GCC2: variants seen among roughly 807,000 people sequenced by gnomAD.
GCC2 encodes GRIP and coiled-coil domain containing 2.
Under a neutral mutation model 210.6 loss-of-function variants are expected in GCC2, and 120 were observed. That is an observed-to-expected ratio of 0.57 (90% confidence interval 0.49 to 0.66). The LOEUF (loss-of-function observed/expected upper bound fraction) is 0.66. GCC2 is among the 30% of genes least tolerant of loss of function. The pLI, the probability that GCC2 is intolerant of heterozygous loss-of-function variation, is 0.00. For missense variants in GCC2, 1,868 were observed against 1,871.9 expected (o/e 1.00, Z 0.04); for synonymous variants, 703 against 652.7 (o/e 1.08, Z -1.17).
intron 4 of GCC2, among the ~76,000 whole-genome samples, chr2:108,463,061 T>C (rs1030134677): frequency 2.6e-5 from 4 of 152,140 alleles, no homozygotes; most frequent in Non-Finnish European, 4.4e-5. Flanking sequence ...TTTTCTGATA[T>C]CTATTCTCTG....
intron 21 of GCC2, among the ~76,000 whole-genome samples, chr2:108,497,561 G>T (rs2378148): frequency 5.3e-5 from 8 of 152,262 alleles, no homozygotes; most frequent in South Asian, 4.1e-4. Flanking sequence ...GGTGTGAGTC[G>T]TTGAATTCTA....
Position 108,485,723 on chromosome 2 carries a change from A to G in GCC2, c.3701A>G (p.Asp1234Gly), listed in dbSNP as rs368958563. The change falls in exon 14 of 23, where the codon GAT becomes GGT. Residue 1234 changes from aspartate (D) to glycine (G), a missense_variant. Physicochemically the swap from Asp to Gly is moderately conservative, Grantham distance 94. This residue lies in a region of GCC2 where 1,847 missense variants were observed against 1,765.2 expected (regional missense o/e 1.05). Transcript: ENST00000309863. ...LLVKTKKELA[D>G]SKQAETDHLI... ...GTGAAAACCAAAAAGGAACTGGCAG[A>G]TTCAAAGCAAGCAGTATGTTAATTT... 12 of 1,583,776 alleles carry G rather than the reference A, an allele frequency of 7.6e-6. No homozygotes were observed. The African/African-American group carries it at 9.5e-5, about 13-fold the overall frequency.
chr2:108,462,372 T>C (rs1247704785), intron 4 of GCC2, among the ~76,000 whole-genome samples: 2 of 143,852 alleles, frequency 1.4e-5, no homozygotes, highest in African/African-American at 5.0e-5. Flanking sequence ...TGGGCGCCTG[T>C]AGTCCCAGCT....
At chr2:108,469,166 C>T (rs1681056182) in intron 5 of GCC2, 82 bp downstream of exon 5, 4 of 729,194 alleles carry the variant, frequency 5.5e-6, no homozygotes, top group Middle Eastern at 3.4e-4. Flanking sequence ...CTTTAAAAAG[C>T]ATCTAATCTG....
At chr2:108,457,654 C>G (rs1680341871) in intron 4 of GCC2, among the ~76,000 whole-genome samples, 1 of 152,096 alleles carries the variant, frequency 6.6e-6, no homozygotes, top group East Asian at 1.9e-4. Context: ...TTTCTTTCAT[C>G]TGTGTTTTTG....
chr2:108,483,632 A>G (rs185900419), intron 12 of GCC2, among the ~76,000 whole-genome samples: 30 of 152,368 alleles, frequency 2.0e-4, no homozygotes, highest in African/African-American at 6.7e-4. Flanking sequence ...TTGGAAATTT[A>G]ACTTACTTCT....
Position 108,487,663 on chromosome 2 carries a change from C to T in GCC2, c.3931-36C>T, listed in dbSNP as rs376735257. On this transcript the variant is annotated intron_variant, in intron 16 of 22. Transcript: ENST00000309863. ...GAAAGAAAATAGAAGGACCCTGTTA[C>T]AGTAGAAAAACGTTTCTCTCTTTTA... 7.0e-6 allele frequency: 11 copies of T among 1,567,014 alleles called. No individual in the cohort carries two copies. In the South Asian group the frequency reaches 1.1e-4, roughly 15 times the overall value.
rs1681147742 is a variant in GCC2 at position 108,470,634 on chromosome 2, A to G, written c.1305A>G (p.Lys435=). 4 of 1,612,508 alleles carry G rather than the reference A, an allele frequency of 2.5e-6. No homozygotes were observed. Among genetic ancestry groups the G allele is most frequent in the Non-Finnish European group, 2.5e-6 (3 of 1,179,068 alleles). ...AGAGTCTTAAGGAACAACATCAAAA[A>G]GAAATATCAGAACTAAATGAGACAT... ...EVQSLKEQHQ[K]EISELNETFL... Residue 435 remains lysine, a synonymous_variant, in exon 6 of 23, where the codon AAA becomes AAG. Coordinates refer to ENST00000309863, the MANE Select transcript of GCC2 (RefSeq NM_181453.4).
Position 108,471,656 on chromosome 2 carries a change from A to G in GCC2, c.2327A>G (p.Glu776Gly), listed in dbSNP as rs1379714687. ...TCAGAAGTTTCAGAAGACAGTGAAG[A>G]GAAAGATGTTGTTAATGTCCTACAG... ...MGSEVSEDSE[E>G]KDVVNVLQAV... Residue 776 changes from glutamate (E) to glycine (G), a missense_variant, in exon 6 of 23, where the codon GAG (glutamate) becomes GGG (glycine). This residue lies in a region of GCC2 where 1,847 missense variants were observed against 1,765.2 expected (regional missense o/e 1.05). Coordinates refer to ENST00000309863, the MANE Select transcript of GCC2 (RefSeq NM_181453.4). 14 of 1,613,534 alleles carry G rather than the reference A, an allele frequency of 8.7e-6. No individual in the cohort carries two copies. Among genetic ancestry groups the G allele is most frequent in the Non-Finnish European group, 1.1e-5 (13 of 1,179,520 alleles).
intron 4 of GCC2, among the ~76,000 whole-genome samples, chr2:108,452,691 C>CTTTTT (rs34444254): frequency 1.4e-3 from 137 of 99,394 alleles, no homozygotes; most frequent in African/African-American, 3.2e-3. Flanking sequence ...TTTTTTCTTT[C>CTTTTT]TTTTTTTTTT....
intron 22 of GCC2, among the ~76,000 whole-genome samples, chr2:108,506,968 GGTTAA>G (rs1489607825): frequency 1.3e-5 from 2 of 152,122 alleles, no homozygotes; most frequent in Non-Finnish European, 2.9e-5. Context: ...GCCATTTAAA[GGTTAA>G]GTTCTAGATT....
chr2:108,483,662 G>A (rs1023758436), intron 12 of GCC2, among the ~76,000 whole-genome samples: 12 of 152,160 alleles, frequency 7.9e-5, no homozygotes, highest in Non-Finnish European at 2.9e-5. Context: ...AGTCCTTTCA[G>A]AAGAATCTAG....
chr2:108,496,779 G>T, intron 20 of GCC2, 191 bp from the exon 21 acceptor site: 2 of 786,950 alleles, frequency 2.5e-6, no homozygotes, highest in Non-Finnish European at 4.0e-6. Context: ...TTACAACAGA[G>T]ATACTGTTTT....
At chr2:108,504,010 A>G (rs750427071) in intron 22 of GCC2, among the ~76,000 whole-genome samples, 17 of 152,188 alleles carry the variant, frequency 1.1e-4, no homozygotes, top group African/African-American at 4.1e-4. Context: ...CAGGAGGCTA[A>G]GGCAGCAGGA....
intron 9 of GCC2, among the ~76,000 whole-genome samples, chr2:108,477,466 G>T (rs1681602096): frequency 6.6e-6 from 1 of 152,104 alleles, no homozygotes; most frequent in Non-Finnish European, 1.5e-5. Context: ...GAGACCTCAG[G>T]GTCACAGAAC....
At chr2:108,459,064 G>A (rs538344615) in intron 4 of GCC2, among the ~76,000 whole-genome samples, 1 of 152,004 alleles carries the variant, frequency 6.6e-6, no homozygotes, top group Non-Finnish European at 1.5e-5. Context: ...CATAAACTTA[G>A]TATTCATGTC....
rs368522198 is a variant in GCC2, at chr2:108,487,718, C to G, written c.3950C>G (p.Thr1317Ser). ...RAAKAEQATV[T>S]SEFESYKVRV... The stretch of plus-strand genomic sequence containing the variant: ...TTATAGGCAGAACAAGCTACTGTAA[C>G]CTCTGAATTCGAGAGCTACAAAGTC... Residue 1317 changes from threonine (T) to serine (S), a missense_variant, in exon 17 of 23, where the codon ACC (threonine) becomes AGC (serine). Physicochemically the swap from Thr to Ser is moderately conservative, Grantham distance 58 (BLOSUM62 1). Coordinates refer to ENST00000309863, the MANE Select transcript of GCC2 (RefSeq NM_181453.4). 2 of 1,613,124 alleles carry G rather than the reference C, an allele frequency of 1.2e-6. No homozygotes were observed. The highest frequency in any genetic ancestry group is 1.7e-6 in the Non-Finnish European group (2 of 1,179,412).
chr2:108,504,897 A>G (rs546986729), intron 22 of GCC2, among the ~76,000 whole-genome samples: 11 of 152,300 alleles, frequency 7.2e-5, no homozygotes, highest in African/African-American at 2.6e-4. Flanking sequence ...GCAACCCAAT[A>G]GGAAAATAGG....
chr2:108,489,692 C>A, intron 17 of GCC2, 146 bp from the exon 18 acceptor site: 1 of 507,646 alleles, frequency 2.0e-6, no homozygotes, highest in Non-Finnish European at 3.5e-6. Flanking sequence ...TATGTTTAAT[C>A]CTAGTCTTGA....
Sources: gnomAD v4.1 joint callset for allele counts (sites outside exome capture counted in the v4.1 genomes callset) on GRCh38, gnomAD v4.1.1 for gene constraint, gnomAD v4.1.1 regional missense constraint, MANE v1.5 for transcripts, NCBI Gene and HGNC (gene_info 2026-07-23, HGNC 2026-07-21) for gene names.